The following RHBDF1 variants were observed in gnomAD, a reference collection of about 807,000 sequenced individuals.
The protein encoded by RHBDF1 is rhomboid 5 homolog 1, also known as inactive rhomboid protein 1.
Under a neutral mutation model 98.6 loss-of-function variants are expected in RHBDF1, and 80 were observed. That is an observed-to-expected ratio of 0.81 (90% CI 0.68 to 0.98). The LOEUF is 0.98. Among genes scored for constraint, RHBDF1 ranks in the 50% least tolerant of loss-of-function variants. The pLI, the probability that RHBDF1 is intolerant of heterozygous loss-of-function variation, is 0.00. For missense variants in RHBDF1, 1,116 were observed against 1,198.3 expected, an observed-to-expected ratio of 0.93 and a Z score of 1.01; for synonymous variants, 512 against 486.8, an observed-to-expected ratio of 1.05 and a Z score of -0.68.
upstream of RHBDF1, among the ~76,000 whole-genome samples, chr16:75,638 C>G (rs1285821440): frequency 6.6e-6 from 1 of 152,200 alleles, no homozygotes; most frequent in East Asian, 1.9e-4. Flanking sequence ...GGGCCCAGGG[C>G]CTGGCAGCAC....
chr16:62,626 G>A lies in RHBDF1; in HGVS notation c.865C>T (p.Leu289=), dbSNP rs1567114991. ...TCCGGTGCCTTCTCCCAGTCCTTTA[G>A]CGCTGCCTCCGATGGGGACTCGAAA... ...EVFESPSEAA[L]KDWEKAPEQA... is the part of the protein sequence containing the mutation. Residue 289 remains leucine, a synonymous_variant, in exon 7 of 18, where the codon CTA becomes TTA. Transcript: ENST00000262316. The A allele has an allele frequency of 6.2e-7, 1 of 1,613,930 alleles. No homozygotes were observed. Among genetic ancestry groups the A allele is most frequent in the African/African-American group, 1.3e-5 (1 of 74,956 alleles).
chr16:59,105 T>C lies in RHBDF1; in HGVS notation c.2017A>G (p.Ile673Val), dbSNP rs78143373. 3.1e-3 allele frequency: 4,980 copies of C among 1,613,506 alleles called. 243 individuals carry two copies. In the East Asian group the frequency reaches 0.096, roughly 31 times the overall value. ...CGCAGGACAGTCATCTGGAAGCAGA[T>C]GGACACCAGGCAGTGCAAGATCCTG... Reference protein sequence around the residue: ...HAGILHCLVSICFQMTVLRDL... With the variant: ...HAGILHCLVSVCFQMTVLRDL... Residue 673 changes from isoleucine to valine, a missense_variant, in exon 17 of 18, where the codon ATC becomes GTC. By Grantham distance (29) the Ile-to-Val change is conservative. Coordinates refer to ENST00000262316, the MANE Select transcript of RHBDF1 (RefSeq NM_022450.5).
chr16:58,102 C>A lies in RHBDF1; in HGVS notation c.*238G>T. 1 of 485,338 alleles carries A rather than the reference C, an allele frequency of 2.1e-6. No individual in the cohort carries two copies. 30.1% of individuals were successfully genotyped at this position (485,338 alleles called of 1,614,324 possible). A position where few individuals can be genotyped will look rare whatever the true frequency, so the allele number is the denominator to read the frequency against. ...AAACGCTCCCAGTCCATTTATTGGCCACATGAGGTGGTCGTCAAGAAACAA... is the reference window on the plus strand; with the variant it reads ...AAACGCTCCCAGTCCATTTATTGGCAACATGAGGTGGTCGTCAAGAAACAA... On this transcript the variant is annotated 3_prime_UTR_variant, in exon 18 of 18. Transcript: ENST00000262316.
Position 61,636 on chromosome 16 carries a change from G to A in RHBDF1, c.1269C>T (p.Cys423=). 1.2e-6 allele frequency: 2 copies of A among 1,613,452 alleles called. No individual in the cohort carries two copies. The part of the protein sequence containing the change: ...VHSLVTILAV[C]IYGIAPVGFS... ...AGCCCACGGGCGCGATGCCATAGAT[G>A]CACACGGCTAGGATGGTGACGAGCG... Residue 423 remains cysteine, a synonymous_variant, in exon 9 of 18, where the codon TGC becomes TGT. Coordinates refer to ENST00000262316, the MANE Select transcript of RHBDF1 (RefSeq NM_022450.5).
At position 58,502 on chromosome 16, in the gene RHBDF1, G is replaced by A. The variant is rs1336863219; in HGVS notation, c.2406C>T (p.Cys802=). 5 of 1,614,000 alleles carry A rather than the reference G, an allele frequency of 3.1e-6. No homozygotes were observed. The highest frequency in any genetic ancestry group is 4.2e-6 in the Non-Finnish European group (5 of 1,180,050). Residue 802 remains cysteine, a synonymous_variant, in exon 18 of 18, where the codon TGC becomes TGT. Coordinates refer to ENST00000262316, the MANE Select transcript of RHBDF1 (RefSeq NM_022450.5). ...AGACCACCTGAAAGATGATGATCTG[G>A]CAGCGTTTCCGGTACAGGTCGAACT... ...FGKFDLYRKR[C]QIIIFQVVFL...
Position 58,322 on chromosome 16 carries a change from C to T in RHBDF1, c.*18G>A. ...TCTGGCCTGCTGGAGCACACGGCCG[C>T]TGGAGCCCGCAGCCAGCTCAGTGGA... is the stretch of plus-strand genomic sequence containing the variant. On this transcript the variant is annotated 3_prime_UTR_variant, in exon 18 of 18. Coordinates refer to ENST00000262316, the MANE Select transcript of RHBDF1 (RefSeq NM_022450.5). 1 of 1,601,702 alleles carries T rather than the reference C, an allele frequency of 6.2e-7. No individual in the cohort carries two copies. Among genetic ancestry groups the T allele is most frequent in the Non-Finnish European group, 8.5e-7 (1 of 1,173,294 alleles).
At chr16:75,510 T>G (rs1197407397), upstream of RHBDF1, among the ~76,000 whole-genome samples, 1 of 152,156 alleles carries the variant, frequency 6.6e-6, no homozygotes, top group Non-Finnish European at 1.5e-5. Context: ...TCCTGGCTAT[T>G]TGGGGAAGAG....
chr16:64,202 C>T (rs1439202495), intron 3 of RHBDF1: 6 of 1,285,392 alleles, frequency 4.7e-6, no homozygotes, highest in Non-Finnish European at 5.2e-6. Flanking sequence ...CTTGGACATG[C>T]AAACAAAAAC....
At position 58,972 on chromosome 16, in the gene RHBDF1, A is replaced by T; in HGVS notation, c.2148+2T>A. On this transcript the variant is annotated splice_donor_variant, in intron 17 of 17. Transcript: ENST00000262316. LOFTEE classifies it high-confidence loss of function. Reference sequence around the variant, plus strand: ...GATCCCCACCCTGAGGGCCAGCCTTACCTCTGCTCGGTATGGCAGGAAGAT... The same window carrying T: ...GATCCCCACCCTGAGGGCCAGCCTTTCCTCTGCTCGGTATGGCAGGAAGAT... 1.2e-6 allele frequency: 2 copies of T among 1,612,962 alleles called. No homozygotes were observed. The highest frequency in any genetic ancestry group is 1.7e-6 in the Non-Finnish European group (2 of 1,179,904).
intron 1 of RHBDF1, among the ~76,000 whole-genome samples, 167 bp downstream of exon 1, chr16:72,346 G>C (rs2562150): frequency 1 from 151,715 of 151,716 alleles, 75,857 homozygotes; most frequent in Middle Eastern, 1. Context: ...GCCGCCCCGG[G>C]GGGGCCTCGC....
At chr16:66,836 T>C (rs1381781688) in intron 1 of RHBDF1, among the ~76,000 whole-genome samples, 1 of 152,050 alleles carries the variant, frequency 6.6e-6, no homozygotes, top group East Asian at 1.9e-4. Flanking sequence ...CACTGGGAAA[T>C]CCCTCCAGGG....
upstream of RHBDF1, chr16:74,645 C>T (rs139920979): frequency 2.6e-5 from 4 of 152,232 alleles, no homozygotes; most frequent in African/African-American, 4.8e-5. Context: ...AGAGGGGGGT[C>T]GATACACGTG....
intron 9 of RHBDF1, 41 bp downstream of exon 9, chr16:61,544 G>A (rs778929345): frequency 3.7e-6 from 6 of 1,611,362 alleles, no homozygotes; most frequent in Admixed American, 3.3e-5. Flanking sequence ...CCAGTGCCCG[G>A]ACTCCACTCG....
At chr16:66,058 C>T (rs185774880) in intron 1 of RHBDF1, among the ~76,000 whole-genome samples, 1 of 152,246 alleles carries the variant, frequency 6.6e-6, no homozygotes, top group Non-Finnish European at 1.5e-5. Flanking sequence ...TCCTGGCAGA[C>T]CTGCAGCTGT....
chr16:63,440 A>G (rs1897720704), intron 4 of RHBDF1, 147 bp downstream of exon 4: 2 of 718,556 alleles, frequency 2.8e-6, no homozygotes, highest in African/African-American at 3.6e-5. Context: ...AGACTGTTTC[A>G]GGTGCCTTCA....
Position 61,956 on chromosome 16 carries a change from C to G in RHBDF1, c.1050G>C (p.Pro350=), listed in dbSNP as rs77201493. 1.3e-6 allele frequency: 2 copies of G among 1,594,060 alleles called. No individual in the cohort carries two copies. Among genetic ancestry groups the G allele is most frequent in the African/African-American group, 2.7e-5 (2 of 74,720 alleles). Residue 350 remains proline (P), a synonymous_variant, in exon 8 of 18, where the codon CCG becomes CCC. Transcript: ENST00000262316. ...GCACCGCGATACGCTGGCCCCGTCGCGGCCCCGCGGTGCTCACCACCTCCT... is the reference window on the plus strand; with the variant it reads ...GCACCGCGATACGCTGGCCCCGTCGGGGCCCCGCGGTGCTCACCACCTCCT... ...LRQEVVSTAG[P]RRGQRIAVPV... is the part of the protein sequence containing the mutation.
At chr16:65,489 T>C (rs1897805468) in intron 1 of RHBDF1, among the ~76,000 whole-genome samples, 2 of 152,182 alleles carry the variant, frequency 1.3e-5, no homozygotes, top group Non-Finnish European at 2.9e-5. Flanking sequence ...CCCCATGAAG[T>C]AACAGCTGAG....
At position 67,869 on chromosome 16, in the gene RHBDF1, G is replaced by A. The variant is rs148707615; in HGVS notation, c.-24-2830C>T. ...ACCTCTCAGCTGGGTCTGGGAAGACGAGCTGCCTGGCATGAGCGGATGCAA... is the reference window on the plus strand; with the variant it reads ...ACCTCTCAGCTGGGTCTGGGAAGACAAGCTGCCTGGCATGAGCGGATGCAA... On this transcript the variant is annotated intron_variant, in intron 1 of 17. Coordinates refer to ENST00000262316, the MANE Select transcript of RHBDF1 (RefSeq NM_022450.5). Among the ~76,000 whole-genome samples the A allele has an allele frequency of 2.1e-3, 327 of 152,280 alleles. 5 individuals carry two copies. The highest frequency in any genetic ancestry group is 0.01 in the South Asian group (50 of 4,828).
At chr16:72,038 C>T (rs529268036) in intron 1 of RHBDF1, among the ~76,000 whole-genome samples, 13 of 152,330 alleles carry the variant, frequency 8.5e-5, no homozygotes, top group African/African-American at 3.1e-4. Context: ...GCAGCCGGGA[C>T]AGGGACCATC....
Sources: allele counts gnomAD v4.1 joint callset (sites outside exome capture counted in the v4.1 genomes callset), GRCh38; gene constraint gnomAD v4.1.1; transcripts MANE v1.5; gene names NCBI Gene and HGNC (gene_info 2026-07-23, HGNC 2026-07-21).